Variants in GUCY1A2 observed in about 807,000 individuals in gnomAD.
The protein encoded by GUCY1A2 is guanylate cyclase soluble subunit alpha-2.
Under a neutral mutation model 63.5 loss-of-function variants are expected in GUCY1A2, and 27 were observed. The observed-to-expected ratio is 0.43, with a 90% CI of 0.31 to 0.59. The LOEUF is 0.59. GUCY1A2 is among the 20% of genes least tolerant of loss of function. The probability of loss-of-function intolerance (pLI) is 0.11; values close to 1 mark genes in which losing one functional copy is unlikely to be tolerated. For synonymous variants in GUCY1A2, 364 were observed against 343.5 expected (o/e 1.06, Z -0.66); for missense variants, 768 against 913.3 (o/e 0.84, Z 2.05).
intron 4 of GUCY1A2, among the ~76,000 whole-genome samples, chr11:106,822,350 A>G (rs1397453209): frequency 6.6e-6 from 1 of 152,050 alleles, no homozygotes; most frequent in East Asian, 1.9e-4. Flanking sequence ...ATTATTGTTT[A>G]TTTATTTTTC....
intron 6 of GUCY1A2, among the ~76,000 whole-genome samples, chr11:106,723,506 T>G (rs1333536853): frequency 4.6e-5 from 7 of 152,216 alleles, no homozygotes; most frequent in African/African-American, 9.6e-5. Context: ...AGAACCTTCC[T>G]GGTACACAGC....
rs766705574 is a variant in GUCY1A2 at position 106,952,398 on chromosome 11, GTCTTC to G, written c.488-12225_488-12221del. 6.6e-4 allele frequency among the ~76,000 whole-genome samples: 100 copies of G among 152,096 alleles called. 2 individuals are homozygous for G. The Middle Eastern group carries it at 0.017, about 26-fold the overall frequency. On this transcript the variant is annotated intron_variant, in intron 3 of 7. Transcript: ENST00000526355. ...TGGAATGTTTTTTCCATTTGTTTAT[GTCTTC>G]TCTTATTTCCTTGAGCAGTGGTTTG...
chr11:106,870,066 G>C (rs1859653798), intron 4 of GUCY1A2, among the ~76,000 whole-genome samples: 1 of 141,804 alleles, frequency 7.1e-6, no homozygotes. Flanking sequence ...GAGAACTCTT[G>C]GACACAGGAA....
chr11:106,998,142 T>C (rs891080863), intron 1 of GUCY1A2, among the ~76,000 whole-genome samples: 7 of 152,160 alleles, frequency 4.6e-5, no homozygotes, highest in African/African-American at 1.7e-4. Context: ...ATGTGAATTG[T>C]TGTGGGGGAC....
At chr11:106,968,410 A>T (rs929254760) in intron 3 of GUCY1A2, among the ~76,000 whole-genome samples, 1 of 152,198 alleles carries the variant, frequency 6.6e-6, no homozygotes, top group Non-Finnish European at 1.5e-5. Context: ...ATAAAAGCAT[A>T]AATGTATAAA....
rs1197968452 is a variant in GUCY1A2, at chr11:106,911,894, A to G, written c.1206+27566T>C. Among the ~76,000 whole-genome samples the G allele has an allele frequency of 2.0e-5, 3 of 152,102 alleles. 1 individual carries two copies. The highest frequency in any genetic ancestry group is 1.5e-5 in the Non-Finnish European group (1 of 67,942). On this transcript the variant is annotated intron_variant, in intron 4 of 7. Transcript: ENST00000526355. ...ATTTTTGATGGCAAAACAACCAAATACTCTAATATTTCTGGTATTCCAATT... is the reference window on the plus strand; with the variant it reads ...ATTTTTGATGGCAAAACAACCAAATGCTCTAATATTTCTGGTATTCCAATT...
Position 106,680,546 on chromosome 11 carries a change from C to G in GUCY1A2, c.*7003G>C, listed in dbSNP as rs945527528. 26 of 197,356 alleles carry G rather than the reference C, an allele frequency of 1.3e-4. No individual in the cohort carries two copies. The highest frequency in any genetic ancestry group is 6.0e-4 in the African/African-American group (26 of 43,404). The allele number at this position is 197,356 out of a possible 1,614,324, so 12.2% of individuals were successfully genotyped here. A position where few individuals can be genotyped will look rare whatever the true frequency, so the allele number is the denominator to read the frequency against. On this transcript the variant is annotated 3_prime_UTR_variant, in exon 8 of 8. Coordinates refer to ENST00000526355, the MANE Select transcript of GUCY1A2 (RefSeq NM_000855.3). ...TCTGATCAGCAACTAGCTGAATTAA[C>G]TGGAAGGATAACTTCAGTGTAATTT...
intron 6 of GUCY1A2, among the ~76,000 whole-genome samples, chr11:106,747,585 G>A (rs576160149): frequency 6.6e-6 from 1 of 152,332 alleles, no homozygotes; most frequent in Non-Finnish European, 1.5e-5. Flanking sequence ...CTGGCAAAAG[G>A]CACATGACAT....
At chr11:106,877,886 G>C (rs1400778428) in intron 4 of GUCY1A2, among the ~76,000 whole-genome samples, 1 of 151,904 alleles carries the variant, frequency 6.6e-6, no homozygotes, top group East Asian at 1.9e-4. Context: ...ATCTGACAAA[G>C]GTCTAACATG....
At chr11:106,855,894 T>TTTCTTTTCTTTA (rs372010228) in intron 4 of GUCY1A2, among the ~76,000 whole-genome samples, 1 of 72,884 alleles carries the variant, frequency 1.4e-5, no homozygotes, top group Admixed American at 1.5e-4. Context: ...TCTCTTGTAT[T>TTTCTTTTCTTTA]TTATTTATTT....
chr11:106,824,332 A>C (rs1459787074), intron 4 of GUCY1A2: 1 of 389,222 alleles, frequency 2.6e-6, no homozygotes, highest in South Asian at 1.0e-4. Flanking sequence ...GAGAGAAAAT[A>C]TAGTTTTCTG....
intron 6 of GUCY1A2, among the ~76,000 whole-genome samples, chr11:106,761,189 ATAACT>A (rs1311914572): frequency 6.6e-6 from 1 of 152,190 alleles, no homozygotes; most frequent in African/African-American, 2.4e-5. Flanking sequence ...AACTAGTTAG[ATAACT>A]TAAGTATAAT....
chr11:106,746,949 A>T (rs1414154520), intron 6 of GUCY1A2, among the ~76,000 whole-genome samples: 3 of 152,156 alleles, frequency 2.0e-5, no homozygotes, highest in African/African-American at 7.2e-5. Context: ...GAGTTGTGCA[A>T]ATAGTCACTG....
chr11:106,959,605 C>T (rs1004143117), intron 3 of GUCY1A2, among the ~76,000 whole-genome samples: 3 of 152,196 alleles, frequency 2.0e-5, no homozygotes, highest in South Asian at 2.1e-4. Context: ...ATCCACCTGC[C>T]TCCGCAAGGG....
chr11:106,944,215 C>CAAAAAAAAAAAAACAAAAAAA (rs1860792379), intron 3 of GUCY1A2, among the ~76,000 whole-genome samples: 1 of 21,576 alleles, frequency 4.6e-5, no homozygotes, highest in Non-Finnish European at 7.7e-5. Flanking sequence ...ACCCTGTCTC[C>CAAAAAAAAAAAAACAAAAAAA]AAAAAAAAAA....
chr11:106,876,150 C>T (rs1267724246), intron 4 of GUCY1A2, among the ~76,000 whole-genome samples: 1 of 151,916 alleles, frequency 6.6e-6, no homozygotes, highest in Non-Finnish European at 1.5e-5. Flanking sequence ...AAATGTATAA[C>T]AATATCTAAA....
At chr11:106,783,230 A>G (rs890309564) in intron 5 of GUCY1A2, among the ~76,000 whole-genome samples, 4 of 152,230 alleles carry the variant, frequency 2.6e-5, no homozygotes, top group African/African-American at 9.6e-5. Context: ...TTCCTGGCTT[A>G]GACAAAGTGA....
chr11:106,776,543 G>C lies in GUCY1A2; in HGVS notation c.1732C>G (p.Leu578Val). ...GCATGGCAGAGGCTTTTTCTGTGGA[G>C]CCCTGCTGCAACACAGTAGGCATCA... ...IGDAYCVAAGLHRKSLCHAKP... is the reference protein window; with the variant it reads ...IGDAYCVAAGVHRKSLCHAKP... Residue 578 changes from leucine (L) to valine (V), a missense_variant, in exon 6 of 8, where the codon CTC becomes GTC. Around this residue, in one of 3 missense-constraint regions of GUCY1A2, gnomAD observed 122 missense variants for 238.1 expected, o/e 0.51. Transcript: ENST00000526355. 3.1e-6 allele frequency: 5 copies of C among 1,613,226 alleles called. No homozygotes were observed. The highest frequency in any genetic ancestry group is 4.2e-6 in the Non-Finnish European group (5 of 1,179,216).
chr11:106,949,962 T>C (rs957686533), intron 3 of GUCY1A2, among the ~76,000 whole-genome samples: 1 of 152,200 alleles, frequency 6.6e-6, no homozygotes, highest in African/African-American at 2.4e-5. Context: ...AGGCATAATA[T>C]ATGTAGTGAT....
Sources: allele counts gnomAD v4.1 joint callset (sites outside exome capture counted in the v4.1 genomes callset), GRCh38; gene constraint gnomAD v4.1.1; regional missense constraint gnomAD v4.1.1; transcripts MANE v1.5; gene names NCBI Gene and HGNC (gene_info 2026-07-23, HGNC 2026-07-21).